Variants in DLGAP1 observed in about 807,000 individuals in gnomAD.
DLGAP1 encodes the protein DLG associated protein 1.
In DLGAP1, 11 loss-of-function variants were observed where a neutral mutation model predicts 90.8. The observed-to-expected ratio is 0.12, with a 90% CI of 0.08 to 0.20. The LOEUF (loss-of-function observed/expected upper bound fraction) is 0.20. Among genes scored for constraint, DLGAP1 ranks in the 10% least tolerant of loss-of-function variants. The pLI is 1.00. For synonymous variants in DLGAP1, 558 were observed against 540.7 expected (o/e 1.03, Z -0.44); for missense variants, 1,050 against 1,333.8 (o/e 0.79, Z 3.31).
At chr18:3,667,313 G>T (rs538011559) in intron 7 of DLGAP1, among the ~76,000 whole-genome samples, 1 of 151,988 alleles carries the variant, frequency 6.6e-6, no homozygotes, top group Non-Finnish European at 1.5e-5. Context: ...TCCTGACCTC[G>T]AACGATCCAC....
At chr18:4,301,498 C>T (rs1193798640) in intron 1 of DLGAP1, among the ~76,000 whole-genome samples, 1 of 152,156 alleles carries the variant, frequency 6.6e-6, no homozygotes, top group Non-Finnish European at 1.5e-5. Context: ...TACTCCATTG[C>T]ATGTGTTTGT....
chr18:4,039,279 TACAGCCTGAC>T (rs1334416590), intron 2 of DLGAP1, among the ~76,000 whole-genome samples: 2 of 152,188 alleles, frequency 1.3e-5, no homozygotes, highest in African/African-American at 2.4e-5. Flanking sequence ...CTATCCTCTG[TACAGCCTGAC>T]ACAGAACCTT....
At chr18:4,271,023 G>C (rs555449) in intron 1 of DLGAP1, among the ~76,000 whole-genome samples, 31,150 of 152,030 alleles carry the variant, frequency 0.2, 6,245 homozygotes, top group African/African-American at 0.53. Context: ...TTAAAGGCAG[G>C]TTTCCATCCT....
intron 3 of DLGAP1, chr18:3,983,562 G>T (rs891471591): frequency 7.2e-5 from 11 of 152,134 alleles, no homozygotes; most frequent in African/African-American, 2.7e-4. Context: ...ACATCATTAG[G>T]TTAAAAAAAT....
chr18:4,060,931 GT>G (rs960795616), intron 2 of DLGAP1, among the ~76,000 whole-genome samples: 1 of 152,074 alleles, frequency 6.6e-6, no homozygotes, highest in African/African-American at 2.4e-5. Flanking sequence ...AAATTTAAAG[GT>G]TATTAGGCCT....
At chr18:4,345,828 T>C (rs1187746661) in intron 1 of DLGAP1, among the ~76,000 whole-genome samples, 3 of 152,236 alleles carry the variant, frequency 2.0e-5, no homozygotes, top group Non-Finnish European at 4.4e-5. Flanking sequence ...CAGAAATATT[T>C]CAGATCAGGT....
Position 3,936,037 on chromosome 18 carries a change from G to T in DLGAP1, c.-72-55897C>A, listed in dbSNP as rs545022913. ...CACAATACAGAGTACTCTCTTGAGG[G>T]GCATTCCAGCCTCTGCTGGGGTCAC... On this transcript the variant is annotated intron_variant, in intron 3 of 12. Transcript: ENST00000315677. Among the ~76,000 whole-genome samples, 260 of 152,174 alleles carry T rather than the reference G, an allele frequency of 1.7e-3. 1 individual carries two copies. Among genetic ancestry groups the T allele is most frequent in the Middle Eastern group, 0.01 (3 of 294 alleles).
intron 3 of DLGAP1, among the ~76,000 whole-genome samples, chr18:3,892,442 T>C (rs1368882959): frequency 2.6e-5 from 4 of 152,196 alleles, no homozygotes; most frequent in Non-Finnish European, 4.4e-5. Flanking sequence ...CTGTGTTTCA[T>C]GCTCTCTAAA....
chr18:4,444,162 C>T (rs923232990), intron 1 of DLGAP1, among the ~76,000 whole-genome samples: 46 of 152,200 alleles, frequency 3.0e-4, no homozygotes, highest in African/African-American at 1.1e-3. Context: ...CCCACTGTGA[C>T]CACGAGGGAG....
In DLGAP1 at chr18:3,765,117, C is replaced by CTTTTTTTTTTTT. The variant is rs921982904; in HGVS notation, c.1173-22617_1173-22606dup. On this transcript the variant is annotated intron_variant, in intron 5 of 12. Coordinates refer to ENST00000315677, the MANE Select transcript of DLGAP1 (RefSeq NM_004746.4). ...CAGAATCTCCATGCACACTTGCAAA[C>CTTTTTTTTTTTT]TTTTTTTTTTTTCTTTTTTTTTTTT... is the stretch of plus-strand genomic sequence containing the variant. Among the ~76,000 whole-genome samples, 315 of 126,310 alleles carry CTTTTTTTTTTTT rather than the reference C, an allele frequency of 2.5e-3. 23 individuals are homozygous for CTTTTTTTTTTTT. Among genetic ancestry groups the CTTTTTTTTTTTT allele is most frequent in the Middle Eastern group, 7.9e-3 (2 of 254 alleles). The allele number at this position is 126,310 out of a possible 152,430, so 82.9% of individuals were successfully genotyped here.
intron 3 of DLGAP1, among the ~76,000 whole-genome samples, chr18:3,880,870 G>A (rs1305057881): frequency 1.3e-5 from 2 of 149,010 alleles, no homozygotes; most frequent in East Asian, 2.1e-4. Flanking sequence ...TTGAACCTGG[G>A]AGGCGGAGCT....
chr18:3,976,847 G>A (rs2073592295), intron 3 of DLGAP1, among the ~76,000 whole-genome samples: 1 of 152,046 alleles, frequency 6.6e-6, no homozygotes, highest in Admixed American at 6.6e-5. Flanking sequence ...TTCTCATCAT[G>A]CCCTCATCAA....
chr18:4,421,388 T>C (rs2083025517), intron 1 of DLGAP1, among the ~76,000 whole-genome samples: 1 of 152,186 alleles, frequency 6.6e-6, no homozygotes, highest in Non-Finnish European at 1.5e-5. Flanking sequence ...TATAGTCCAG[T>C]GTAAACCTCT....
chr18:3,851,370 T>C (rs1050698823), intron 4 of DLGAP1, among the ~76,000 whole-genome samples: 38 of 152,148 alleles, frequency 2.5e-4, no homozygotes, highest in African/African-American at 7.7e-4. Context: ...CATGAAGTAA[T>C]TGAGGAAGAA....
chr18:3,773,774 C>G (rs549543041), intron 5 of DLGAP1, among the ~76,000 whole-genome samples: 1 of 152,068 alleles, frequency 6.6e-6, no homozygotes, highest in Non-Finnish European at 1.5e-5. Context: ...TCTGGGAGCA[C>G]GAAAGACTGG....
intron 1 of DLGAP1, among the ~76,000 whole-genome samples, chr18:4,354,402 C>A (rs2081462641): frequency 6.6e-6 from 1 of 152,124 alleles, no homozygotes; most frequent in African/African-American, 2.4e-5. Context: ...CACAGAGGGA[C>A]CAGAAGAATC....
At chr18:3,699,018 T>G (rs1458928078) in intron 7 of DLGAP1, among the ~76,000 whole-genome samples, 20 of 152,134 alleles carry the variant, frequency 1.3e-4, no homozygotes, top group Admixed American at 1.3e-3. Flanking sequence ...TTCTCTAATC[T>G]GGTTATTCTA....
At chr18:3,630,159 A>G (rs1418486840) in intron 7 of DLGAP1, among the ~76,000 whole-genome samples, 1 of 152,194 alleles carries the variant, frequency 6.6e-6, no homozygotes, top group African/African-American at 2.4e-5. Context: ...TAGACTGAGT[A>G]CAGCAGATTG....
intron 3 of DLGAP1, among the ~76,000 whole-genome samples, chr18:3,987,935 A>G (rs1416126792): frequency 6.6e-6 from 1 of 151,900 alleles, no homozygotes; most frequent in African/African-American, 2.4e-5. Flanking sequence ...ATGGAAGACA[A>G]TTTTTCTATG....
Sources: gnomAD v4.1 joint callset for allele counts (sites outside exome capture counted in the v4.1 genomes callset) on GRCh38, gnomAD v4.1.1 for gene constraint, MANE v1.5 for transcripts, NCBI Gene and HGNC (gene_info 2026-07-23, HGNC 2026-07-21) for gene names.